SDK1: variants seen among roughly 807,000 people sequenced by gnomAD.
The protein encoded by SDK1 is sidekick cell adhesion molecule 1, also known as protein sidekick-1.
A neutral mutation model predicts 245.5 loss-of-function variants in SDK1; 157 were observed. That is an observed-to-expected ratio of 0.64 (90% CI 0.56 to 0.73). The LOEUF (loss-of-function observed/expected upper bound fraction) is 0.73, where lower values mean the gene tolerates loss of function less well. Ranked by LOEUF, SDK1 falls within the 30% of genes least tolerant of loss-of-function variation. The probability of loss-of-function intolerance (pLI) is 0.00; values close to 1 mark genes in which losing one functional copy is unlikely to be tolerated. For missense variants in SDK1, 3,583 were observed against 3,002.3 expected (o/e 1.19, Z -4.52); for synonymous variants, 1,647 against 1,278.5 (o/e 1.29, Z -6.15).
rs112908537 is a variant in SDK1, at chr7:3,389,432, T to C, written c.298+87548T>C. Reference sequence around the variant, plus strand: ...AGAGAAAATGCTACACCTCTGGTATTGAAGTTGGAGGAATGGGCCATGAGC... The same window carrying C: ...AGAGAAAATGCTACACCTCTGGTATCGAAGTTGGAGGAATGGGCCATGAGC... On this transcript the variant is annotated intron_variant, in intron 1 of 44. Coordinates refer to ENST00000404826, the MANE Select transcript of SDK1 (RefSeq NM_152744.4). Among the ~76,000 whole-genome samples the C allele has an allele frequency of 1.8e-3, 270 of 152,220 alleles. 1 individual carries two copies. The highest frequency in any genetic ancestry group is 6.2e-3 in the African/African-American group (257 of 41,544).
chr7:4,267,356 C>T lies in SDK1; in HGVS notation c.*1972C>T, dbSNP rs1788532957. On this transcript the variant is annotated 3_prime_UTR_variant, in exon 45 of 45. Transcript: ENST00000404826. ...CCCTATTCCTTCTTCCTTTTCTCCT[C>T]CTTTTTCTGAGTGGAGGGGGAAATA... 1.0e-6 allele frequency: 1 copy of T among 980,118 alleles called. No homozygotes were observed. Among genetic ancestry groups the T allele is most frequent in the Admixed American group, 6.3e-5 (1 of 15,960 alleles). 60.7% of individuals were successfully genotyped at this position (980,118 alleles called of 1,614,324 possible).
chr7:4,099,614 G>A (rs947412908), intron 22 of SDK1, among the ~76,000 whole-genome samples: 1 of 130,860 alleles, frequency 7.6e-6, no homozygotes, highest in African/African-American at 2.9e-5. Flanking sequence ...ACCTCCAGGT[G>A]AGCTGCTTGC....
chr7:3,598,440 A>G (rs996165836), intron 1 of SDK1, among the ~76,000 whole-genome samples: 1 of 152,160 alleles, frequency 6.6e-6, no homozygotes, highest in Admixed American at 6.5e-5. Context: ...TGCAATTGTT[A>G]GAAGTAATAC....
At chr7:3,343,151 G>T (rs1256220737) in intron 1 of SDK1, among the ~76,000 whole-genome samples, 1 of 152,118 alleles carries the variant, frequency 6.6e-6, no homozygotes, top group East Asian at 1.9e-4. Context: ...ATACAACTTG[G>T]CAAGTGTACT....
At chr7:3,885,920 C>T (rs1022056987) in intron 5 of SDK1, among the ~76,000 whole-genome samples, 4 of 152,204 alleles carry the variant, frequency 2.6e-5, no homozygotes, top group African/African-American at 7.2e-5. Context: ...AATTCTCCCA[C>T]TTACTCCTAA....
intron 1 of SDK1, among the ~76,000 whole-genome samples, chr7:3,378,813 T>TG: frequency 7.4e-6 from 1 of 135,432 alleles, no homozygotes; most frequent in East Asian, 2.0e-4. Context: ...CCCTGCTCGC[T>TG]GGGGGGCCGG....
chr7:3,407,167 C>CT (rs1401699371), intron 1 of SDK1, among the ~76,000 whole-genome samples: 1 of 152,212 alleles, frequency 6.6e-6, no homozygotes, highest in Admixed American at 6.5e-5. Flanking sequence ...TCCTTGCACA[C>CT]TGGCTCCTCT....
At chr7:3,986,340 A>C (rs7799447) in intron 13 of SDK1, among the ~76,000 whole-genome samples, 1 of 152,090 alleles carries the variant, frequency 6.6e-6, no homozygotes, top group South Asian at 2.1e-4. Context: ...CCAAATCCCC[A>C]TAACTCCAGC....
At chr7:3,793,202 C>T (rs550854487) in intron 4 of SDK1, among the ~76,000 whole-genome samples, 4 of 151,986 alleles carry the variant, frequency 2.6e-5, no homozygotes, top group Non-Finnish European at 4.4e-5. Context: ...GGTCTGTTTC[C>T]GTAAAAGACA....
chr7:3,415,530 G>A (rs1779338246), intron 1 of SDK1, among the ~76,000 whole-genome samples: 1 of 151,948 alleles, frequency 6.6e-6, no homozygotes, highest in Non-Finnish European at 1.5e-5. Flanking sequence ...ATTTATGTAA[G>A]TTAAGAAAAC....
At position 3,723,924 on chromosome 7, in the gene SDK1, G is replaced by GTATACA. The variant is rs1554254531; in HGVS notation, c.713+81823_713+81824insCATATA. The stretch of plus-strand genomic sequence containing the variant: ...TATACACGTACATATATATATACAC[G>GTATACA]TATATATATATATATATATAGAGAG... On this transcript the variant is annotated intron_variant, in intron 4 of 44. Transcript: ENST00000404826. 1.4e-3 allele frequency among the ~76,000 whole-genome samples: 91 copies of GTATACA among 65,306 alleles called. 4 individuals carry two copies. The highest frequency in any genetic ancestry group is 1.3e-3 in the Non-Finnish European group (42 of 33,578). 42.8% of individuals were successfully genotyped at this position (65,306 alleles called of 152,430 possible).
chr7:3,405,756 T>A (rs1366967524), intron 1 of SDK1, among the ~76,000 whole-genome samples: 1 of 152,104 alleles, frequency 6.6e-6, no homozygotes, highest in African/African-American at 2.4e-5. Context: ...TTGTACTTAG[T>A]TATTTACTGC....
chr7:4,114,220 G>GC lies in SDK1; in HGVS notation c.3771dup (p.Val1258ArgfsTer24). 6.2e-7 allele frequency: 1 copy of GC among 1,613,370 alleles called. No individual in the cohort carries two copies. Among genetic ancestry groups the GC allele is most frequent in the Non-Finnish European group, 8.5e-7 (1 of 1,179,888 alleles). ...CGAGCTGCAGATGCAGGCCTTCAACGCCGTCGGGGCTGGGCCGTGGAGCGA... is the reference window on the plus strand; with the variant it reads ...CGAGCTGCAGATGCAGGCCTTCAACGCCCGTCGGGGCTGGGCCGTGGAGCGA... On this transcript the variant is annotated frameshift_variant, in exon 25 of 45. Transcript: ENST00000404826. LOFTEE classifies it high-confidence loss of function.
chr7:3,971,566 C>G lies in SDK1; in HGVS notation c.1815C>G (p.Leu605=). 6.2e-7 allele frequency: 1 copy of G among 1,606,196 alleles called. No individual in the cohort carries two copies. Residue 605 remains leucine (L), a splice_region_variant and synonymous_variant, in exon 12 of 45, where the codon CTC becomes CTG. Coordinates refer to ENST00000404826, the MANE Select transcript of SDK1 (RefSeq NM_152744.4). ...CGATHDPRVS[L]RYVWKKDNVA... is the part of the protein sequence containing the mutation. ...CCACACATGACCCCCGGGTTTCACTCCGGTCAGCACAATCAGTTACAATGC... is the reference window on the plus strand; with the variant it reads ...CCACACATGACCCCCGGGTTTCACTGCGGTCAGCACAATCAGTTACAATGC...
chr7:4,114,762 G>T (rs1404119168), intron 25 of SDK1, among the ~76,000 whole-genome samples: 1 of 152,124 alleles, frequency 6.6e-6, no homozygotes, highest in Non-Finnish European at 1.5e-5. Flanking sequence ...TTGGCGGGTG[G>T]CTCTCTTCCA....
chr7:4,243,268 G>A (rs1786641502), intron 43 of SDK1, among the ~76,000 whole-genome samples: 2 of 152,188 alleles, frequency 1.3e-5, no homozygotes, highest in Admixed American at 1.3e-4. Flanking sequence ...CTAGGAAAGA[G>A]AAACATCATT....
At chr7:3,409,029 G>T (rs2128576648) in intron 1 of SDK1, among the ~76,000 whole-genome samples, 1 of 152,288 alleles carries the variant, frequency 6.6e-6, no homozygotes, top group Non-Finnish European at 1.5e-5. Flanking sequence ...TTGTCAGGCT[G>T]CTAAAATGAA....
chr7:4,048,536 G>A (rs1241010879), intron 17 of SDK1, among the ~76,000 whole-genome samples: 1 of 151,660 alleles, frequency 6.6e-6, no homozygotes, highest in Non-Finnish European at 1.5e-5. Flanking sequence ...AGGCTCCTTG[G>A]CAACATTTTG....
chr7:3,913,242 G>C (rs942871295), intron 5 of SDK1, among the ~76,000 whole-genome samples: 5 of 151,286 alleles, frequency 3.3e-5, no homozygotes, highest in Non-Finnish European at 1.5e-5. Flanking sequence ...CGGTCTTCTT[G>C]CCTCCTGGCC....
Sources: gnomAD v4.1 joint callset for allele counts (sites outside exome capture counted in the v4.1 genomes callset) on GRCh38, gnomAD v4.1.1 for gene constraint, MANE v1.5 for transcripts, NCBI Gene and HGNC (gene_info 2026-07-23, HGNC 2026-07-21) for gene names.